Variants in AQP9 observed in about 807,000 individuals in gnomAD.
The protein encoded by AQP9 is aquaporin 9.
AQP9 carries 19 observed loss-of-function variants against 23.8 expected under a neutral mutation model. The observed-to-expected ratio is 0.80, with a 90% CI of 0.56 to 1.17. The LOEUF is 1.17. AQP9 is among the 50% of genes most tolerant of loss of function. The pLI is 0.00. For missense variants in AQP9, 413 were observed against 362.0 expected (o/e 1.14, Z -1.14); for synonymous variants, 153 against 131.5 (o/e 1.16, Z -1.12).
intron 5 of AQP9, among the ~76,000 whole-genome samples, chr15:58,183,023 A>T (rs78577564): frequency 6.6e-6 from 1 of 152,180 alleles, no homozygotes; most frequent in Non-Finnish European, 1.5e-5. Flanking sequence ...CATGGAACAT[A>T]TGTGTAGTTA....
chr15:58,168,203 A>AT (rs1211586226), intron 2 of AQP9, among the ~76,000 whole-genome samples: 2 of 146,274 alleles, frequency 1.4e-5, no homozygotes, highest in African/African-American at 2.5e-5. Flanking sequence ...TAATTTTTGT[A>AT]TTTTTTTTGT....
chr15:58,184,123 T>A lies in AQP9; in HGVS notation c.876T>A (p.Ser292Arg). 1 of 1,613,984 alleles carries A rather than the reference T, an allele frequency of 6.2e-7. No individual in the cohort carries two copies. Among genetic ancestry groups the A allele is most frequent in the Non-Finnish European group, 8.5e-7 (1 of 1,179,926 alleles). ...ACAAACCAGAGAAATATGAACTCAGTGTCATCATGTAGTGGCATGCTCAGC... is the reference window on the plus strand; with the variant it reads ...ACAAACCAGAGAAATATGAACTCAGAGTCATCATGTAGTGGCATGCTCAGC... ...SEDKPEKYEL[S>R]VIM Residue 292 changes from serine (S) to arginine (R), a missense_variant, in exon 6 of 6, where the codon AGT becomes AGA. Coordinates refer to ENST00000219919, the MANE Select transcript of AQP9 (RefSeq NM_020980.5).
At chr15:58,150,332 G>T in intron 1 of AQP9, 1 of 152,688 alleles carries the variant, frequency 6.5e-6, no homozygotes, top group Non-Finnish European at 1.5e-5. Flanking sequence ...ATATTCCAAG[G>T]CCCCTTTTAC....
intron 5 of AQP9, among the ~76,000 whole-genome samples, chr15:58,182,295 A>T (rs1233514858): frequency 1.3e-5 from 2 of 152,188 alleles, no homozygotes; most frequent in Non-Finnish European, 2.9e-5. Context: ...CAGTTAACAT[A>T]CACATGTTCC....
chr15:58,183,892 T>TG, intron 5 of AQP9, 69 bp from the exon 6 acceptor site: 1 of 1,267,056 alleles, frequency 7.9e-7, no homozygotes, highest in Non-Finnish European at 1.1e-6. Flanking sequence ...AACAAGTGAG[T>TG]GAAAAACTAG....
At chr15:58,147,284 A>G (rs1898064155) in intron 1 of AQP9, among the ~76,000 whole-genome samples, 1 of 151,904 alleles carries the variant, frequency 6.6e-6, no homozygotes, top group African/African-American at 2.4e-5. Context: ...ACATGTTCTC[A>G]TTACTTGACG....
At chr15:58,161,159 G>A (rs1321171835) in intron 1 of AQP9, among the ~76,000 whole-genome samples, 1 of 152,130 alleles carries the variant, frequency 6.6e-6, no homozygotes, top group Non-Finnish European at 1.5e-5. Flanking sequence ...ACACTGATTG[G>A]AGGCTGCAGA....
chr15:58,141,831 A>T (rs1897957568), intron 1 of AQP9, among the ~76,000 whole-genome samples: 1 of 152,230 alleles, frequency 6.6e-6, no homozygotes, highest in Non-Finnish European at 1.5e-5. Context: ...ATCTTGAAGT[A>T]GGTCTATTCT....
intron 1 of AQP9, among the ~76,000 whole-genome samples, chr15:58,165,299 G>C (rs779906141): frequency 2.0e-5 from 3 of 152,214 alleles, no homozygotes; most frequent in Admixed American, 1.3e-4. Flanking sequence ...CCTTCACCAA[G>C]TATTTCTTCA....
At chr15:58,179,509 A>ATGTGTGTGTGTGTGTGTGTGTGTGTG (rs3052103) in intron 5 of AQP9, among the ~76,000 whole-genome samples, 164 bp downstream of exon 5, 4 of 148,854 alleles carry the variant, frequency 2.7e-5, no homozygotes, top group African/African-American at 9.9e-5. Flanking sequence ...TTGTGGTATG[A>ATGTGTGTGTGTGTGTGTGTGTGTGTG]TGTGTGTGTG....
rs1308884781 is a variant in AQP9 at position 58,138,557 on chromosome 15, A to T, written c.-9A>T. 5 of 1,611,956 alleles carry T rather than the reference A, an allele frequency of 3.1e-6. No individual in the cohort carries two copies. In the African/African-American group the frequency reaches 6.7e-5, roughly 22 times the overall value. ...TGGTAGAAACAGGAGTCCTCAGAGA[A>T]GCCCCAAGATGCAGCCTGAGGGAGC... On this transcript the variant is annotated 5_prime_UTR_variant, in exon 1 of 6. The change creates a new upstream start codon in the 5' untranslated region. Transcript: ENST00000219919.
In AQP9 at chr15:58,138,693, T is replaced by C. The variant is rs764288573; in HGVS notation, c.111+17T>C. 6.2e-7 allele frequency: 1 copy of C among 1,609,840 alleles called. No homozygotes were observed. Among genetic ancestry groups the C allele is most frequent in the South Asian group, 1.1e-5 (1 of 90,964 alleles). On this transcript the variant is annotated intron_variant, in intron 1 of 5. Transcript: ENST00000219919. ...ATCTTGATTGTAAGTATTTCCTGAT[T>C]TCCTACATTCAGACCCAATAATGCC...
intron 5 of AQP9, among the ~76,000 whole-genome samples, chr15:58,181,047 C>A (rs1437818037): frequency 6.6e-6 from 1 of 152,180 alleles, no homozygotes; most frequent in Non-Finnish European, 1.5e-5. Flanking sequence ...AGCTCTTCTT[C>A]CACCCCCTTT....
intron 1 of AQP9, among the ~76,000 whole-genome samples, chr15:58,148,535 G>A (rs1173737076): frequency 2.6e-5 from 4 of 152,176 alleles, no homozygotes; most frequent in African/African-American, 9.7e-5. Context: ...TGGCACTGTT[G>A]GGCCCTGTGG....
At chr15:58,141,715 G>C (rs185837601) in intron 1 of AQP9, among the ~76,000 whole-genome samples, 17 of 152,282 alleles carry the variant, frequency 1.1e-4, no homozygotes, top group African/African-American at 3.1e-4. Context: ...ATCCCTCCTT[G>C]CTGGGGTCAC....
rs1321174270 is a variant in AQP9, at chr15:58,173,009, G to C, written c.239-59G>C. On this transcript the variant is annotated intron_variant, in intron 2 of 5. Coordinates refer to ENST00000219919, the MANE Select transcript of AQP9 (RefSeq NM_020980.5). ...GAATTCCACCTGAGGTCTCTAGATG[G>C]TTTTCTGTATATTCTTCTTCCTAAC... The C allele has an allele frequency of 3.7e-6, 6 of 1,604,532 alleles. No homozygotes were observed. The African/African-American group carries it at 8.0e-5, about 22-fold the overall frequency.
rs767004480 is a variant in AQP9 at position 58,166,778 on chromosome 15, T to G, written c.217T>G (p.Tyr73Asp). ...TTCAATGGCAGTTGCAATGGCCATT[T>G]ATGTGGCTGGCGGTGTCTCTGGTAA... ...GFSMAVAMAI[Y>D]VAGGVSGGHI... The change falls in exon 2 of 6, where the codon TAT becomes GAT. Residue 73 changes from tyrosine (Y) to aspartate (D), a missense_variant. Tyr to Asp is a radical substitution (Grantham distance 160). Transcript: ENST00000219919. The G allele has an allele frequency of 1.2e-6, 2 of 1,614,014 alleles. No individual in the cohort carries two copies. The highest frequency in any genetic ancestry group is 1.7e-6 in the Non-Finnish European group (2 of 1,179,890).
rs1268786721 is a variant in AQP9, at chr15:58,185,423, G to C, written c.*1288G>C. 6.6e-6 allele frequency: 1 copy of C among 152,600 alleles called. No homozygotes were observed. The highest frequency in any genetic ancestry group is 1.5e-5 in the Non-Finnish European group (1 of 68,034). 9.5% of individuals were successfully genotyped at this position (152,600 alleles called of 1,614,324 possible). A position where few individuals can be genotyped will look rare whatever the true frequency, so the allele number is the denominator to read the frequency against. ...AAGATACAAAGACCCTCATTGTCTG[G>C]GTCTATTCCCACACTTACTGAGTAC... On this transcript the variant is annotated 3_prime_UTR_variant, in exon 6 of 6. Transcript: ENST00000219919.
chr15:58,138,483 C>T lies in AQP9; in HGVS notation c.-83C>T, dbSNP rs1595722833. ...AGGAATCTGTGAGCCATTGTCAAAA[C>T]GTCCATTTTCATCTGGCTGTGAAAG... is the stretch of plus-strand genomic sequence containing the variant. On this transcript the variant is annotated 5_prime_UTR_variant, in exon 1 of 6. The change creates a new upstream start codon in the 5' untranslated region. Coordinates refer to ENST00000219919, the MANE Select transcript of AQP9 (RefSeq NM_020980.5). The T allele has an allele frequency of 2.8e-6, 3 of 1,072,294 alleles. No individual in the cohort carries two copies. The highest frequency in any genetic ancestry group is 2.2e-5 in the Admixed American group (1 of 45,444). 66.4% of individuals were successfully genotyped at this position (1,072,294 alleles called of 1,614,324 possible).
Sources: gnomAD v4.1 joint callset for allele counts (sites outside exome capture counted in the v4.1 genomes callset) on GRCh38, gnomAD v4.1.1 for gene constraint, MANE v1.5 for transcripts, NCBI Gene and HGNC (gene_info 2026-07-23, HGNC 2026-07-21) for gene names.